Variants in CADM2 observed in about 807,000 individuals in gnomAD.
CADM2 encodes the protein immunoglobulin superfamily member 4D.
Under a neutral mutation model 49.8 loss-of-function variants are expected in CADM2, and 12 were observed. The ratio of observed to expected loss-of-function variants is 0.24; its 90% CI spans 0.15 to 0.39. CADM2 has a LOEUF of 0.39. Among genes scored for constraint, CADM2 ranks in the 10% least tolerant of loss-of-function variants. CADM2 has a pLI of 1.00. For missense variants in CADM2, 378 were observed against 492.3 expected (o/e 0.77, Z 2.20); for synonymous variants, 214 against 175.4 (o/e 1.22, Z -1.74).
Position 85,685,635 on chromosome 3 carries a change from TG to T in CADM2, c.62-40886del, listed in dbSNP as rs1281050100. Reference sequence around the variant, plus strand: ...TCTTTCTTTTTTTTTTTTTTTTTTTTGTTTTTAAGACGGAGTCTCCCTCTGT... The same window carrying T: ...TCTTTCTTTTTTTTTTTTTTTTTTTTTTTTTAAGACGGAGTCTCCCTCTGT... On this transcript the variant is annotated intron_variant, in intron 1 of 9. Coordinates refer to ENST00000383699, the MANE Select transcript of CADM2 (RefSeq NM_001167675.2). Among the ~76,000 whole-genome samples, 305 of 145,898 alleles carry T rather than the reference TG, an allele frequency of 2.1e-3. 12 individuals are homozygous for T. Among genetic ancestry groups the T allele is most frequent in the Non-Finnish European group, 3.3e-3 (220 of 65,818 alleles).
chr3:85,144,245 G>GCA (rs3083491), intron 1 of CADM2, among the ~76,000 whole-genome samples: 53,408 of 148,872 alleles, frequency 0.36, 10,072 homozygotes, highest in East Asian at 0.74. Context: ...TGTTACACAC[G>GCA]CACACACACA....
chr3:85,744,816 G>T (rs1268457134), intron 2 of CADM2, among the ~76,000 whole-genome samples: 2 of 152,130 alleles, frequency 1.3e-5, no homozygotes, highest in Non-Finnish European at 2.9e-5. Context: ...ACAGGACCTG[G>T]TTGCATGGGG....
At chr3:85,683,553 A>T (rs1350551314) in intron 1 of CADM2, among the ~76,000 whole-genome samples, 1 of 152,210 alleles carries the variant, frequency 6.6e-6, no homozygotes, top group Non-Finnish European at 1.5e-5. Flanking sequence ...ATGAAAAGAA[A>T]AATATAAGGT....
chr3:86,036,572 C>T (rs1735193382), intron 8 of CADM2, among the ~76,000 whole-genome samples: 1 of 152,136 alleles, frequency 6.6e-6, no homozygotes, highest in South Asian at 2.1e-4. Flanking sequence ...ACCTGAAGGA[C>T]CTCCAGGACT....
chr3:85,014,006 T>C (rs1201752638), intron 1 of CADM2, among the ~76,000 whole-genome samples: 1 of 144,258 alleles, frequency 6.9e-6, no homozygotes, highest in Non-Finnish European at 1.5e-5. Context: ...TGTAATAATA[T>C]TGTATATTAT....
At chr3:85,510,309 C>A (rs1250404407) in intron 1 of CADM2, among the ~76,000 whole-genome samples, 1 of 151,970 alleles carries the variant, frequency 6.6e-6, no homozygotes, top group Non-Finnish European at 1.5e-5. Flanking sequence ...TTTTACAACA[C>A]AAGAAAACTG....
At chr3:86,033,893 A>C (rs1734849244) in intron 8 of CADM2, among the ~76,000 whole-genome samples, 1 of 150,224 alleles carries the variant, frequency 6.7e-6, no homozygotes, top group Non-Finnish European at 1.5e-5. Context: ...GTGTTTTAAA[A>C]AACAATTTTA....
intron 8 of CADM2, among the ~76,000 whole-genome samples, chr3:86,021,179 T>C (rs1577975772): frequency 6.6e-6 from 1 of 152,234 alleles, no homozygotes; most frequent in Middle Eastern, 3.4e-3. Context: ...TTTGTATTTT[T>C]AGTAGAGATG....
intron 3 of CADM2, among the ~76,000 whole-genome samples, chr3:85,820,355 G>A (rs1337429657): frequency 6.6e-6 from 1 of 152,158 alleles, no homozygotes; most frequent in Non-Finnish European, 1.5e-5. Context: ...AGACTATGGG[G>A]AAGGGAGAGA....
chr3:85,628,554 C>T (rs1191463902), intron 1 of CADM2, among the ~76,000 whole-genome samples: 1 of 146,256 alleles, frequency 6.8e-6, no homozygotes, highest in East Asian at 2.0e-4. Flanking sequence ...TATATATACA[C>T]ACACATATAT....
chr3:85,383,405 T>A (rs541930691), intron 1 of CADM2, among the ~76,000 whole-genome samples: 2 of 151,616 alleles, frequency 1.3e-5, no homozygotes, highest in East Asian at 3.9e-4. Flanking sequence ...TAAATTGAAT[T>A]AGATAAATCA....
At chr3:86,042,782 A>T (rs913007648) in intron 8 of CADM2, among the ~76,000 whole-genome samples, 1 of 152,170 alleles carries the variant, frequency 6.6e-6, no homozygotes, top group African/African-American at 2.4e-5. Flanking sequence ...ACAAAAAATG[A>T]CTATTTTAGA....
intron 1 of CADM2, among the ~76,000 whole-genome samples, chr3:84,989,716 T>C (rs1028969661): frequency 1.3e-5 from 2 of 152,060 alleles, no homozygotes; most frequent in Non-Finnish European, 2.9e-5. Flanking sequence ...AGTTCTTCAA[T>C]TGTAAATTTG....
In CADM2 at chr3:85,368,559, T is replaced by C. The variant is rs1039596816; in HGVS notation, c.62-357963T>C. On this transcript the variant is annotated intron_variant, in intron 1 of 9. Coordinates refer to ENST00000383699, the MANE Select transcript of CADM2 (RefSeq NM_001167675.2). ...ATTAATATATACCTGAATATATATA[T>C]ACCTGAATATATATATATACCTGAA... 2.7e-5 allele frequency among the ~76,000 whole-genome samples: 4 copies of C among 148,130 alleles called. No homozygotes were observed. The South Asian group carries it at 8.4e-4, about 31-fold the overall frequency.
rs951608339 is a variant in CADM2, at chr3:86,043,305, A to C, written c.971-22300A>C. Among the ~76,000 whole-genome samples the C allele has an allele frequency of 9.9e-5, 15 of 152,274 alleles. No individual in the cohort carries two copies. The East Asian group carries it at 1.9e-3, about 20-fold the overall frequency. On this transcript the variant is annotated intron_variant, in intron 8 of 9. Transcript: ENST00000383699. Reference sequence around the variant, plus strand: ...AAGTCAAATTGTCCCTGTTTGCAGAAGACATGATTGTATATCTAGAAAACC... The same window carrying C: ...AAGTCAAATTGTCCCTGTTTGCAGACGACATGATTGTATATCTAGAAAACC...
At chr3:85,913,028 T>G (rs1462712294) in intron 6 of CADM2, among the ~76,000 whole-genome samples, 1 of 152,204 alleles carries the variant, frequency 6.6e-6, no homozygotes, top group East Asian at 1.9e-4. Flanking sequence ...ATCATCATCA[T>G]TATTCACAAT....
intron 1 of CADM2, among the ~76,000 whole-genome samples, chr3:85,428,129 T>C (rs2036497966): frequency 6.6e-6 from 1 of 151,486 alleles, no homozygotes; most frequent in Admixed American, 6.6e-5. Context: ...CACTATGAAC[T>C]GTTGAGTACT....
intron 1 of CADM2, among the ~76,000 whole-genome samples, chr3:85,318,331 A>G (rs2044517230): frequency 6.6e-6 from 1 of 152,180 alleles, no homozygotes; most frequent in African/African-American, 2.4e-5. Flanking sequence ...AAAGGAGGAA[A>G]GATTATCAGA....
chr3:85,068,682 C>A (rs1294834386), intron 1 of CADM2, among the ~76,000 whole-genome samples: 1 of 151,920 alleles, frequency 6.6e-6, no homozygotes, highest in Non-Finnish European at 1.5e-5. Flanking sequence ...TTTCTAATCA[C>A]GAATATATAA....
Sources: allele counts gnomAD v4.1 joint callset (sites outside exome capture counted in the v4.1 genomes callset), GRCh38; gene constraint gnomAD v4.1.1; transcripts MANE v1.5; gene names NCBI Gene and HGNC (gene_info 2026-07-23, HGNC 2026-07-21).